The following FARP2 variants were observed in gnomAD, a reference collection of about 807,000 sequenced individuals.
FARP2 encodes the protein FERM, ARHGEF and pleckstrin domain-containing protein 2.
FARP2 carries 111 observed loss-of-function variants against 130.5 expected under a neutral mutation model. The observed-to-expected ratio is 0.85, with a 90% confidence interval of 0.73 to 1.00. The LOEUF is 1.00. Among genes scored for constraint, FARP2 ranks in the 50% least tolerant of loss-of-function variants. The probability of loss-of-function intolerance (pLI) is 0.00; values close to 1 mark genes in which losing one functional copy is unlikely to be tolerated. For missense variants in FARP2, 1,385 were observed against 1,346.3 expected (o/e 1.03, Z -0.45); for synonymous variants, 504 against 516.9 (o/e 0.98, Z 0.34).
At position 241,420,576 on chromosome 2, in the gene FARP2, A is replaced by G. The variant is rs542084628; in HGVS notation, c.771+2467A>G. Reference sequence around the variant, plus strand: ...GCATCTCTGAAATGAGCAGGATACCATGATAGAAACAAATGGAGAACATAA... The same window carrying G: ...GCATCTCTGAAATGAGCAGGATACCGTGATAGAAACAAATGGAGAACATAA... On this transcript the variant is annotated intron_variant, in intron 8 of 26. Transcript: ENST00000264042. 4.6e-5 allele frequency among the ~76,000 whole-genome samples: 7 copies of G among 152,360 alleles called. No homozygotes were observed. In the East Asian group the frequency reaches 1.2e-3, roughly 25 times the overall value.
intron 5 of FARP2, 86 bp downstream of exon 5, chr2:241,407,701 A>C: frequency 1.9e-6 from 2 of 1,035,368 alleles, no homozygotes; most frequent in Non-Finnish European, 3.0e-6. Flanking sequence ...TCATTGAAAG[A>C]ATGAATAAGC....
intron 7 of FARP2, 122 bp from the exon 8 acceptor site, chr2:241,417,840 C>A: frequency 9.6e-7 from 1 of 1,042,962 alleles, no homozygotes; most frequent in Non-Finnish European, 1.4e-6. Flanking sequence ...GACAGTGAAC[C>A]ATCTGCCCTC....
chr2:241,375,591 A>C (rs1418345373), intron 2 of FARP2, among the ~76,000 whole-genome samples: 2 of 152,212 alleles, frequency 1.3e-5, no homozygotes, highest in Non-Finnish European at 2.9e-5. Context: ...AAGGTTTTAC[A>C]ATATTTAGAG....
chr2:241,391,492 T>G, intron 2 of FARP2, among the ~76,000 whole-genome samples: 1 of 152,116 alleles, frequency 6.6e-6, no homozygotes, highest in East Asian at 1.9e-4. Context: ...CAGATGGCAA[T>G]CCCCTCCACA....
At chr2:241,358,828 A>G (rs1052085693) in intron 1 of FARP2, among the ~76,000 whole-genome samples, 3 of 152,220 alleles carry the variant, frequency 2.0e-5, no homozygotes, top group African/African-American at 7.2e-5. Flanking sequence ...CTACAAAGCA[A>G]TATGATAAAG....
intron 2 of FARP2, among the ~76,000 whole-genome samples, chr2:241,375,725 G>A (rs566518645): frequency 6.6e-6 from 1 of 151,986 alleles, no homozygotes; most frequent in Non-Finnish European, 1.5e-5. Context: ...AAAGAAAATG[G>A]TCTTGCATAT....
chr2:241,456,457 G>T, intron 13 of FARP2: 1 of 319,380 alleles, frequency 3.1e-6, no homozygotes, highest in Non-Finnish European at 5.7e-6. Context: ...CCCAAAAGAA[G>T]CCCCTAGAAA....
chr2:241,368,496 G>A (rs1216342070), intron 1 of FARP2, among the ~76,000 whole-genome samples: 1 of 152,090 alleles, frequency 6.6e-6, no homozygotes, highest in African/African-American at 2.4e-5. Flanking sequence ...AGCGCACAAA[G>A]CAAAACAAAT....
At chr2:241,438,909 G>A (rs538747062) in intron 12 of FARP2, among the ~76,000 whole-genome samples, 5 of 152,046 alleles carry the variant, frequency 3.3e-5, no homozygotes, top group South Asian at 2.1e-4. Flanking sequence ...GATTACAGGC[G>A]TGAGCCACCG....
intron 1 of FARP2, among the ~76,000 whole-genome samples, chr2:241,365,463 G>T (rs1372227229): frequency 1.3e-5 from 2 of 152,128 alleles, no homozygotes; most frequent in African/African-American, 4.8e-5. Context: ...TGCTTAGTTA[G>T]CATTCGTATT....
intron 7 of FARP2, 90 bp from the exon 8 acceptor site, chr2:241,417,872 G>T: frequency 7.1e-7 from 1 of 1,416,602 alleles, no homozygotes. Context: ...AGCCTTCATT[G>T]TTGGTTTTCC....
At chr2:241,377,411 G>T (rs368430554) in intron 2 of FARP2, among the ~76,000 whole-genome samples, 1 of 149,990 alleles carries the variant, frequency 6.7e-6, no homozygotes, top group South Asian at 2.1e-4. Flanking sequence ...GCGCAATCTC[G>T]GCTCACTGCA....
chr2:241,402,880 A>AT (rs1194888946), intron 2 of FARP2, among the ~76,000 whole-genome samples: 4 of 9,732 alleles, frequency 4.1e-4, no homozygotes, highest in East Asian at 3.9e-3. Flanking sequence ...ATATATATAT[A>AT]TTTTTTTTTT....
chr2:241,431,936 C>T (rs1202895441), intron 9 of FARP2, among the ~76,000 whole-genome samples, 162 bp downstream of exon 9: 3 of 152,162 alleles, frequency 2.0e-5, no homozygotes, highest in African/African-American at 7.2e-5. Context: ...ATTCTCCTGC[C>T]TCAGCCTCCC....
Position 241,489,960 on chromosome 2 carries a change from A to G in FARP2, c.2422-2A>G. The G allele has an allele frequency of 6.2e-7, 1 of 1,600,256 alleles. No individual in the cohort carries two copies. The highest frequency in any genetic ancestry group is 8.6e-7 in the Non-Finnish European group (1 of 1,167,364). On this transcript the variant is annotated splice_acceptor_variant, in intron 21 of 26. Coordinates refer to ENST00000264042, the MANE Select transcript of FARP2 (RefSeq NM_014808.4). LOFTEE classifies it high-confidence loss of function. ...GACTTGGACCGTTTCTCCCACCCAC[A>G]GGTGGAAGAAAGTGATAACGAGTGG...
intron 21 of FARP2, chr2:241,488,902 G>A (rs1383798671): frequency 6.6e-6 from 1 of 152,190 alleles, no homozygotes; most frequent in Non-Finnish European, 1.5e-5. Context: ...ATATGAGATA[G>A]TCACTGTTTG....
chr2:241,373,101 G>A lies in FARP2; in HGVS notation c.-7G>A, dbSNP rs371633368. ...CATTTTAGTGTTTTCTTCACTCATG[G>A]TGAAGAATGGGGGAGATAGAAGGAA... On this transcript the variant is annotated 5_prime_UTR_variant, in exon 2 of 27. It adds an upstream start codon to the 5' untranslated region. Transcript: ENST00000264042. 21 of 1,356,408 alleles carry A rather than the reference G, an allele frequency of 1.5e-5. No individual in the cohort carries two copies. In the African/African-American group the frequency reaches 1.7e-4, roughly 11 times the overall value. The allele number at this position is 1,356,408 out of a possible 1,614,324, so 84.0% of individuals were successfully genotyped here. A position where few individuals can be genotyped will look rare whatever the true frequency, so the allele number is the denominator to read the frequency against.
At chr2:241,395,833 G>A (rs1397357325) in intron 2 of FARP2, 2 of 152,078 alleles carry the variant, frequency 1.3e-5, no homozygotes, top group Admixed American at 1.3e-4. Flanking sequence ...AATAATTTCA[G>A]TTGAAGTATC....
At position 241,403,830 on chromosome 2, in the gene FARP2, T is replaced by C. The variant is rs762354106; in HGVS notation, c.186T>C (p.Pro62=). The C allele has an allele frequency of 6.2e-7, 1 of 1,607,916 alleles. No homozygotes were observed. Among genetic ancestry groups the C allele is most frequent in the Admixed American group, 1.7e-5 (1 of 60,000 alleles). The change falls in exon 3 of 27, where the codon CCT becomes CCC. Residue 62 remains proline, a splice_region_variant and synonymous_variant. Transcript: ENST00000264042. ...DNTMEIFDIE[P]KCDGQVLLTQ... is the part of the protein sequence containing the mutation. The stretch of plus-strand genomic sequence containing the variant: ...TTTTCCCATCTCTCTCTGCACAGCC[T>C]AAATGCGATGGCCAGGTATTACTGA...
Sources: gnomAD v4.1 joint callset for allele counts (sites outside exome capture counted in the v4.1 genomes callset) on GRCh38, gnomAD v4.1.1 for gene constraint, MANE v1.5 for transcripts, NCBI Gene and HGNC (gene_info 2026-07-23, HGNC 2026-07-21) for gene names.